PIAS4: variants seen among roughly 807,000 people sequenced by gnomAD.
PIAS4 encodes protein inhibitor of activated STAT 4, also known as E3 SUMO-protein ligase PIAS4.
A neutral mutation model predicts 58.0 loss-of-function variants in PIAS4; 7 were observed. That is an observed-to-expected ratio of 0.12 (90% CI 0.07 to 0.23). PIAS4 has a LOEUF of 0.23. Ranked by LOEUF, PIAS4 falls within the 10% of genes least tolerant of loss-of-function variation. The pLI, the probability that PIAS4 is intolerant of heterozygous loss-of-function variation, is 1.00. For synonymous variants in PIAS4, 364 were observed against 312.4 expected (o/e 1.17, Z -1.74); for missense variants, 550 against 709.5 (o/e 0.78, Z 2.55).
In PIAS4 at chr19:4,038,000, T is replaced by A; in HGVS notation, c.*125T>A. ...TGTCGTTCGTTTTGTTTTTCCACCC[T>A]TTTGCCTGGCTCCTGGCACCTGTAC... is the stretch of plus-strand genomic sequence containing the variant. On this transcript the variant is annotated 3_prime_UTR_variant, in exon 11 of 11. Coordinates refer to ENST00000262971, the MANE Select transcript of PIAS4 (RefSeq NM_015897.4). This position sits in a 1 kb window ranked among gnomAD's most constrained non-coding sequence, Gnocchi z 5.8. 1 of 1,039,364 alleles carries A rather than the reference T, an allele frequency of 9.6e-7. No homozygotes were observed. The highest frequency in any genetic ancestry group is 1.4e-6 in the Non-Finnish European group (1 of 728,634). 64.4% of individuals were successfully genotyped at this position (1,039,364 alleles called of 1,614,324 possible). A position where few individuals can be genotyped will look rare whatever the true frequency, so the allele number is the denominator to read the frequency against.
intron 2 of PIAS4, among the ~76,000 whole-genome samples, chr19:4,020,449 T>G (rs2040097923): frequency 6.6e-6 from 1 of 151,290 alleles, no homozygotes; most frequent in Non-Finnish European, 1.5e-5. Context: ...CATCTCGTTG[T>G]CTCGTCTCCC....
chr19:4,027,100 C>T (rs1199594155), intron 3 of PIAS4, among the ~76,000 whole-genome samples: 1 of 152,128 alleles, frequency 6.6e-6, no homozygotes, highest in Non-Finnish European at 1.5e-5. Flanking sequence ...TATCCGCCCG[C>T]CTCGGCCTCC....
chr19:4,028,906 C>G (rs766471341), intron 6 of PIAS4, 25 bp from the exon 7 acceptor site: 1 of 1,612,286 alleles, frequency 6.2e-7, no homozygotes. Flanking sequence ...TCCTGCCAGC[C>G]CTGACCCCTT....
At chr19:4,021,452 G>T (rs1441288778) in intron 2 of PIAS4, among the ~76,000 whole-genome samples, 1 of 151,650 alleles carries the variant, frequency 6.6e-6, no homozygotes, top group African/African-American at 2.4e-5. Flanking sequence ...GCCTGGGTGT[G>T]TAGAGAGGAT....
At chr19:4,028,638 T>A in intron 5 of PIAS4, 38 bp downstream of exon 5, 1 of 1,608,586 alleles carries the variant, frequency 6.2e-7, no homozygotes, top group African/African-American at 1.3e-5. Flanking sequence ...TGCACGGGTT[T>A]GGGGGGCGTG....
At chr19:4,028,052 G>A (rs1216866229) in intron 3 of PIAS4, 94 bp from the exon 4 acceptor site, 1 of 1,156,678 alleles carries the variant, frequency 8.6e-7, no homozygotes, top group Non-Finnish European at 1.3e-6. Flanking sequence ...GGAGCCTTGT[G>A]GTGTGGCGGT....
intron 2 of PIAS4, among the ~76,000 whole-genome samples, chr19:4,015,390 C>T (rs2144910610): frequency 6.6e-6 from 1 of 152,268 alleles, no homozygotes; most frequent in South Asian, 2.1e-4. Context: ...GTCACCTGAT[C>T]TCCGGGAGAG....
chr19:4,026,412 G>A (rs2040165224), intron 3 of PIAS4, among the ~76,000 whole-genome samples: 1 of 151,478 alleles, frequency 6.6e-6, no homozygotes, highest in South Asian at 2.1e-4. Flanking sequence ...GATTACAGGC[G>A]TGAGCCACCC....
At chr19:4,009,748 C>A (rs955929971) in intron 1 of PIAS4, among the ~76,000 whole-genome samples, 1 of 152,164 alleles carries the variant, frequency 6.6e-6, no homozygotes, top group Admixed American at 6.5e-5. Flanking sequence ...CCCAGCCTGT[C>A]ATATTCATGG....
intron 1 of PIAS4, among the ~76,000 whole-genome samples, chr19:4,009,625 C>T (rs1568210888): frequency 6.6e-6 from 1 of 152,238 alleles, no homozygotes; most frequent in East Asian, 1.9e-4. Flanking sequence ...AACCGTGAGC[C>T]TCCATTCAAG....
Position 4,037,835 on chromosome 19 carries a change from G to T in PIAS4, c.1493G>T (p.Arg498Leu). Residue 498 changes from arginine to leucine, a missense_variant, in exon 11 of 11, where the codon CGC (arginine) becomes CTC (leucine). Coordinates refer to ENST00000262971, the MANE Select transcript of PIAS4 (RefSeq NM_015897.4). This position sits in a 1 kb window ranked among gnomAD's most constrained non-coding sequence, Gnocchi z 5.8. ...GACGAAGAGGGGCCCCGGCCCAAGC[G>T]CCGCTGCCCCTTCCAGAAGGGCCTG... ...DEDEEGPRPK[R>L]RCPFQKGLVP... is the part of the protein sequence containing the mutation. 3 of 1,569,432 alleles carry T rather than the reference G, an allele frequency of 1.9e-6. No individual in the cohort carries two copies. Among genetic ancestry groups the T allele is most frequent in the Non-Finnish European group, 1.7e-6 (2 of 1,159,096 alleles).
chr19:4,012,848 C>A (rs1027895984), intron 1 of PIAS4, 75 bp from the exon 2 acceptor site: 1 of 1,459,700 alleles, frequency 6.9e-7, no homozygotes, highest in African/African-American at 1.4e-5. Flanking sequence ...GCCCCCACAT[C>A]GGGGCCTGGC....
intron 2 of PIAS4, among the ~76,000 whole-genome samples, chr19:4,017,355 C>G (rs781103721): frequency 2.6e-4 from 40 of 152,318 alleles, no homozygotes; most frequent in Non-Finnish European, 4.6e-4. Context: ...GCCTCCTGCT[C>G]TGCTTCCTGC....
chr19:4,012,388 A>G (rs1363574849), intron 1 of PIAS4, among the ~76,000 whole-genome samples: 1 of 152,082 alleles, frequency 6.6e-6, no homozygotes, highest in Non-Finnish European at 1.5e-5. Context: ...ATATAATCAC[A>G]TGACCGGCTT....
chr19:4,022,658 G>C (rs138629498), intron 2 of PIAS4, among the ~76,000 whole-genome samples: 7 of 151,424 alleles, frequency 4.6e-5, no homozygotes, highest in Admixed American at 4.6e-4. Flanking sequence ...GAGCCACCGC[G>C]CCTGGCCGTT....
intron 2 of PIAS4, chr19:4,018,399 TC>T (rs1450644402): frequency 6.6e-6 from 1 of 152,228 alleles, no homozygotes; most frequent in Non-Finnish European, 1.5e-5. Context: ...CTCGTGAGGC[TC>T]CCTGGCAGCC....
chr19:4,023,910 A>G (rs2040136080), intron 2 of PIAS4, 126 bp from the exon 3 acceptor site: 7 of 708,986 alleles, frequency 9.9e-6, no homozygotes, highest in Non-Finnish European at 1.8e-5. Context: ...TCTGCCCCAC[A>G]TATCTGTCCA....
Position 4,033,127 on chromosome 19 carries a change from A to T in PIAS4, c.935A>T (p.Asp312Val). Reference protein sequence around the residue: ...LVKEKLRLDPDSEIATTGVRV... With the variant: ...LVKEKLRLDPVSEIATTGVRV... ...AAGGAGAAGCTGCGCCTTGATCCTG[A>T]CAGCGAGATCGCCACCACCGGTGTG... The change falls in exon 8 of 11, where the codon GAC (aspartate) becomes GTC (valine). Residue 312 changes from aspartate to valine, a missense_variant. Asp to Val is a radical substitution (Grantham distance 152). Transcript: ENST00000262971. 1 of 1,611,630 alleles carries T rather than the reference A, an allele frequency of 6.2e-7. No individual in the cohort carries two copies. Among genetic ancestry groups the T allele is most frequent in the Non-Finnish European group, 8.5e-7 (1 of 1,179,780 alleles).
At chr19:4,031,917 C>T (rs868701872) in intron 7 of PIAS4, among the ~76,000 whole-genome samples, 5 of 152,320 alleles carry the variant, frequency 3.3e-5, no homozygotes, top group Middle Eastern at 3.4e-3. Context: ...AGGGTCCACC[C>T]GGGCACCGGG....
Sources: gnomAD v4.1 joint callset for allele counts (sites outside exome capture counted in the v4.1 genomes callset) on GRCh38, gnomAD v4.1.1 for gene constraint, Gnocchi (gnomAD v3.1) non-coding constraint, MANE v1.5 for transcripts, NCBI Gene and HGNC (gene_info 2026-07-23, HGNC 2026-07-21) for gene names.